PTPRK: variants seen among roughly 807,000 people sequenced by gnomAD.
The protein encoded by PTPRK is receptor-type tyrosine-protein phosphatase kappa.
A neutral mutation model predicts 178.0 loss-of-function variants in PTPRK; 75 were observed. The observed-to-expected ratio is 0.42, with a 90% CI of 0.35 to 0.51. The LOEUF is 0.51. Ranked by LOEUF, PTPRK falls within the 20% of genes least tolerant of loss-of-function variation. The pLI is 0.02. For missense variants in PTPRK, 1,441 were observed against 1,797.8 expected (o/e 0.80, Z 3.59); for synonymous variants, 637 against 620.6 (o/e 1.03, Z -0.39).
intron 13 of PTPRK, among the ~76,000 whole-genome samples, chr6:128,046,013 G>A (rs889584666): frequency 1.3e-5 from 2 of 151,862 alleles, no homozygotes; most frequent in African/African-American, 4.8e-5. Context: ...CCTTTATATT[G>A]AAACAAAAAA....
chr6:127,999,426 T>C lies in PTPRK; in HGVS notation c.2495-522A>G, dbSNP rs114529880. On this transcript the variant is annotated intron_variant, in intron 15 of 29. Transcript: ENST00000368226. ...ACAACACACTCTGCACTGGGAAACA[T>C]GGGCATTCCACATGATCACCCCCTG... 8.3e-3 allele frequency among the ~76,000 whole-genome samples: 1,264 copies of C among 152,148 alleles called. 20 individuals carry two copies. The highest frequency in any genetic ancestry group is 0.029 in the African/African-American group (1,188 of 41,544).
intron 6 of PTPRK, among the ~76,000 whole-genome samples, chr6:128,188,077 C>T (rs1252705109): frequency 2.0e-5 from 3 of 151,980 alleles, no homozygotes; most frequent in African/African-American, 7.3e-5. Context: ...AAGTGAGGTG[C>T]GAATAAATCC....
intron 13 of PTPRK, among the ~76,000 whole-genome samples, chr6:128,050,123 T>A (rs1778752500): frequency 6.8e-6 from 1 of 147,558 alleles, no homozygotes; most frequent in African/African-American, 2.7e-5. Context: ...GCAACAACAG[T>A]GAAATTCCGC....
chr6:128,464,609 A>C (rs1378990730), intron 1 of PTPRK, among the ~76,000 whole-genome samples: 1 of 113,924 alleles, frequency 8.8e-6, no homozygotes, highest in East Asian at 2.3e-4. Context: ...AAATATATAT[A>C]TATACATATA....
At chr6:128,446,748 C>T (rs143304055) in intron 1 of PTPRK, among the ~76,000 whole-genome samples, 1 of 152,236 alleles carries the variant, frequency 6.6e-6, no homozygotes, top group African/African-American at 2.4e-5. Flanking sequence ...TGGGCTACCG[C>T]TCCCACCAGA....
intron 6 of PTPRK, among the ~76,000 whole-genome samples, chr6:128,218,172 T>A (rs1447792294): frequency 1.3e-5 from 2 of 152,222 alleles, no homozygotes; most frequent in Middle Eastern, 6.3e-3. Context: ...CACCTGTCTA[T>A]ATAGTCTGCC....
intron 1 of PTPRK, among the ~76,000 whole-genome samples, chr6:128,472,286 A>G (rs145545229): frequency 1.3e-5 from 2 of 152,050 alleles, no homozygotes; most frequent in African/African-American, 2.4e-5. Flanking sequence ...GTTTATTCAC[A>G]TGGTTCGTTA....
intron 3 of PTPRK, among the ~76,000 whole-genome samples, chr6:128,262,411 C>T (rs1352203722): frequency 1.3e-5 from 2 of 152,018 alleles, no homozygotes; most frequent in African/African-American, 4.8e-5. Context: ...GTTATCTTAT[C>T]CTAAATTTTT....
rs1209270254 is a variant in PTPRK at position 128,243,430 on chromosome 6, G to A, written c.496-828C>T. Among the ~76,000 whole-genome samples the A allele has an allele frequency of 2.1e-5, 3 of 144,626 alleles. No homozygotes were observed. The Admixed American group carries it at 2.2e-4, about 10-fold the overall frequency. The allele number at this position is 144,626 out of a possible 152,430, so 94.9% of individuals were successfully genotyped here. A position where few individuals can be genotyped will look rare whatever the true frequency, so the allele number is the denominator to read the frequency against. On this transcript the variant is annotated intron_variant, in intron 3 of 29. Coordinates refer to ENST00000368226, the MANE Select transcript of PTPRK (RefSeq NM_002844.4). ...ACACTTTGGGAGGCTGAGGCAGGAG[G>A]AGTACTTGAGCCCAGAAGTTCAAGA...
chr6:128,378,037 CTG>C lies in PTPRK; in HGVS notation c.223+19527_223+19528del, dbSNP rs566785344. Among the ~76,000 whole-genome samples the C allele has an allele frequency of 3.9e-4, 59 of 152,188 alleles. 1 individual carries two copies. In the South Asian group the frequency reaches 0.012, roughly 31 times the overall value. On this transcript the variant is annotated intron_variant, in intron 2 of 29. Transcript: ENST00000368226. The stretch of plus-strand genomic sequence containing the variant: ...CTGTGATCATGGTTTGCTTTTTAGA[CTG>C]TGTTTCACAAATCTTCACAAAAATA...
intron 7 of PTPRK, among the ~76,000 whole-genome samples, chr6:128,164,868 A>C (rs1799179521): frequency 6.6e-6 from 1 of 151,250 alleles, no homozygotes; most frequent in African/African-American, 2.4e-5. Flanking sequence ...GAAAGCCAAA[A>C]AAACCAGGGA....
chr6:128,194,068 T>TATATATA (rs1804413846), intron 6 of PTPRK, among the ~76,000 whole-genome samples: 1 of 61,450 alleles, frequency 1.6e-5, no homozygotes, highest in Non-Finnish European at 2.9e-5. Flanking sequence ...ATATATATAT[T>TATATATA]ATTATTATTA....
intron 11 of PTPRK, among the ~76,000 whole-genome samples, chr6:128,073,843 C>A (rs1783275972): frequency 6.6e-6 from 1 of 151,882 alleles, no homozygotes. Flanking sequence ...TAAAAGAGGG[C>A]AAAAAGATTA....
At chr6:128,331,915 C>T (rs1038104616) in intron 2 of PTPRK, among the ~76,000 whole-genome samples, 1 of 152,006 alleles carries the variant, frequency 6.6e-6, no homozygotes, top group Non-Finnish European at 1.5e-5. Context: ...TGAGGAAGTG[C>T]TTTGTATTTG....
In PTPRK at chr6:128,219,093, G is replaced by C; in HGVS notation, c.697C>G (p.Arg233Gly). Residue 233 changes from arginine (R) to glycine (G), a missense_variant, in exon 6 of 30, where the codon CGA becomes GGA. Physicochemically the swap from Arg to Gly is moderately radical, Grantham distance 125. This residue lies in a region of PTPRK where 945 missense variants were observed against 1,080.6 expected (regional missense o/e 0.87). Coordinates refer to ENST00000368226, the MANE Select transcript of PTPRK (RefSeq NM_002844.4). Reference sequence around the variant, plus strand: ...GCTACTGGTATATCTTCTCCATTTCGTCTCTGCAAACAGAAACCAATCTTT... The same window carrying C: ...GCTACTGGTATATCTTCTCCATTTCCTCTCTGCAAACAGAAACCAATCTTT... ...AVHNKLWLQR[R>G]NGEDIPVAQT... 6.2e-7 allele frequency: 1 copy of C among 1,610,236 alleles called. No individual in the cohort carries two copies. Among genetic ancestry groups the C allele is most frequent in the Non-Finnish European group, 8.5e-7 (1 of 1,177,680 alleles).
intron 7 of PTPRK, among the ~76,000 whole-genome samples, chr6:128,101,938 T>C (rs1788861096): frequency 6.6e-6 from 1 of 152,188 alleles, no homozygotes; most frequent in African/African-American, 2.4e-5. Context: ...TCAGGAAGTC[T>C]GACAAAGTAA....
chr6:128,455,190 T>C (rs1395515513), intron 1 of PTPRK, among the ~76,000 whole-genome samples: 1 of 152,148 alleles, frequency 6.6e-6, no homozygotes, highest in Non-Finnish European at 1.5e-5. Flanking sequence ...TTCAAACAGG[T>C]GTTGCCCACA....
intron 2 of PTPRK, among the ~76,000 whole-genome samples, chr6:128,339,996 T>C (rs1831454697): frequency 6.6e-6 from 1 of 152,112 alleles, no homozygotes; most frequent in African/African-American, 2.4e-5. Flanking sequence ...ATTGCTACCA[T>C]CACCCCACCC....
chr6:128,442,850 G>A (rs1481827471), intron 1 of PTPRK, among the ~76,000 whole-genome samples: 1 of 152,112 alleles, frequency 6.6e-6, no homozygotes, highest in East Asian at 1.9e-4. Context: ...AATTAACATA[G>A]CCAGTACATT....
Sources: allele counts gnomAD v4.1 joint callset (sites outside exome capture counted in the v4.1 genomes callset), GRCh38; gene constraint gnomAD v4.1.1; regional missense constraint gnomAD v4.1.1; transcripts MANE v1.5; gene names NCBI Gene and HGNC (gene_info 2026-07-23, HGNC 2026-07-21).